Variants in COP1 observed in about 807,000 individuals in gnomAD.
COP1 encodes the protein E3 ubiquitin-protein ligase COP1.
Under a neutral mutation model 101.3 loss-of-function variants are expected in COP1, and 24 were observed. That is an observed-to-expected ratio of 0.24 (90% CI 0.17 to 0.33). The LOEUF (loss-of-function observed/expected upper bound fraction) is 0.33. Among genes scored for constraint, COP1 ranks in the 10% least tolerant of loss-of-function variants. COP1 has a pLI of 1.00. For synonymous variants in COP1, 347 were observed against 341.9 expected, an observed-to-expected ratio of 1.01 and a Z score of -0.17; for missense variants, 663 against 906.2, an observed-to-expected ratio of 0.73 and a Z score of 3.45.
At chr1:176,089,320 C>CAACAAT (rs1248126414) in intron 9 of COP1, among the ~76,000 whole-genome samples, 1 of 151,566 alleles carries the variant, frequency 6.6e-6, no homozygotes, top group Non-Finnish European at 1.5e-5. Flanking sequence ...ACAACAACAA[C>CAACAAT]AACAACAATC....
At chr1:176,087,477 T>C (rs1228811753) in intron 9 of COP1, among the ~76,000 whole-genome samples, 1 of 152,064 alleles carries the variant, frequency 6.6e-6, no homozygotes, top group Non-Finnish European at 1.5e-5. Context: ...AAGAAGACAT[T>C]TATGCAGCCA....
intron 18 of COP1, among the ~76,000 whole-genome samples, chr1:175,957,860 A>G (rs1167232352): frequency 6.6e-6 from 1 of 152,218 alleles, no homozygotes; most frequent in Non-Finnish European, 1.5e-5. Context: ...GGAACTACAG[A>G]TACAGGCAAT....
chr1:176,039,441 A>C (rs1670141640), intron 14 of COP1, among the ~76,000 whole-genome samples: 2 of 152,068 alleles, frequency 1.3e-5, no homozygotes, highest in African/African-American at 2.4e-5. Flanking sequence ...GAAAAAAAAA[A>C]CTAGAGCAAA....
At position 176,028,852 on chromosome 1, in the gene COP1, G is replaced by C. The variant is rs528481794; in HGVS notation, c.1613-1164C>G. ...CACTTCAGGCAGCCTCTACCTCCTA[G>C]GCTCAGGTGATTCTCCCCACTCAGC... On this transcript the variant is annotated intron_variant, in intron 14 of 19. Coordinates refer to ENST00000367669, the MANE Select transcript of COP1 (RefSeq NM_022457.7). 1.9e-3 allele frequency among the ~76,000 whole-genome samples: 281 copies of C among 151,124 alleles called. 9 individuals carry two copies. The South Asian group carries it at 0.056, about 30-fold the overall frequency.
intron 15 of COP1, among the ~76,000 whole-genome samples, chr1:175,999,095 A>T (rs865801677): frequency 2.0e-5 from 3 of 152,140 alleles, no homozygotes; most frequent in African/African-American, 4.8e-5. Context: ...GGTATGAGAA[A>T]GTAAATGTAG....
intron 18 of COP1, among the ~76,000 whole-genome samples, chr1:175,954,335 T>C (rs2148502688): frequency 6.6e-6 from 1 of 152,234 alleles, no homozygotes; most frequent in East Asian, 1.9e-4. Flanking sequence ...GGTTGAACAT[T>C]AATGATATAG....
At chr1:176,019,119 T>C (rs1294674100) in intron 15 of COP1, among the ~76,000 whole-genome samples, 2 of 149,516 alleles carry the variant, frequency 1.3e-5, no homozygotes, top group East Asian at 4.0e-4. Flanking sequence ...TGAGCTGAGA[T>C]TGCACCACTG....
chr1:176,161,176 C>T (rs1249730520), intron 5 of COP1, among the ~76,000 whole-genome samples: 1 of 152,110 alleles, frequency 6.6e-6, no homozygotes, highest in African/African-American at 2.4e-5. Flanking sequence ...AGAAAAAATT[C>T]CTGAAAATAT....
At chr1:176,040,653 A>G (rs1261694685) in intron 14 of COP1, among the ~76,000 whole-genome samples, 2 of 152,174 alleles carry the variant, frequency 1.3e-5, no homozygotes, top group African/African-American at 4.8e-5. Flanking sequence ...CATTCTGTAT[A>G]TAGTAGGAAT....
chr1:175,983,737 G>A (rs958648111), intron 18 of COP1, among the ~76,000 whole-genome samples: 1 of 152,136 alleles, frequency 6.6e-6, no homozygotes, highest in Admixed American at 6.5e-5. Context: ...TGATAATGAT[G>A]GACATGAAAT....
chr1:176,106,791 C>G (rs1175376787), intron 9 of COP1, among the ~76,000 whole-genome samples: 1 of 152,220 alleles, frequency 6.6e-6, no homozygotes, highest in Non-Finnish European at 1.5e-5. Flanking sequence ...GCATGAATTA[C>G]TTTATCGCAA....
chr1:175,995,200 G>A (rs1659825976), intron 15 of COP1, among the ~76,000 whole-genome samples: 1 of 152,094 alleles, frequency 6.6e-6, no homozygotes, highest in Non-Finnish European at 1.5e-5. Flanking sequence ...AAAACAACAA[G>A]AACAAAGACA....
At chr1:176,019,533 T>G (rs563213055) in intron 15 of COP1, among the ~76,000 whole-genome samples, 1 of 147,040 alleles carries the variant, frequency 6.8e-6, no homozygotes, top group South Asian at 2.1e-4. Flanking sequence ...TCACTACTAC[T>G]ACCACCAAAT....
chr1:175,957,432 G>GTGGTA (rs1650795260), intron 18 of COP1, among the ~76,000 whole-genome samples: 1 of 152,178 alleles, frequency 6.6e-6, no homozygotes, highest in Admixed American at 6.5e-5. Context: ...GTACAAATTT[G>GTGGTA]TAGCCTAGGA....
At chr1:175,995,462 G>T (rs191260071) in intron 15 of COP1, among the ~76,000 whole-genome samples, 8,097 of 152,130 alleles carry the variant, frequency 0.053, 467 homozygotes, top group South Asian at 0.14. Flanking sequence ...CCAGGAGCTG[G>T]TTTTTTGAAA....
intron 14 of COP1, among the ~76,000 whole-genome samples, chr1:176,036,102 AAT>A (rs1224169515): frequency 1.3e-5 from 2 of 152,216 alleles, no homozygotes; most frequent in East Asian, 3.9e-4. Flanking sequence ...TATAATAGCA[AAT>A]ATAATAGTAA....
At chr1:176,190,529 TA>T (rs11284970) in intron 1 of COP1, among the ~76,000 whole-genome samples, 98,457 of 145,626 alleles carry the variant, frequency 0.68, 34,258 homozygotes, top group East Asian at 0.91. Context: ...TTGGGACATT[TA>T]AAAAAAAAAA....
In COP1 at chr1:175,971,362, A is replaced by T. The variant is rs181079622; in HGVS notation, c.2133+15581T>A. Reference sequence around the variant, plus strand: ...GGTCCTTGAAAACTTAATCAGATAAAATTTATTCATTTAGCAAATTCTTAT... The same window carrying T: ...GGTCCTTGAAAACTTAATCAGATAATATTTATTCATTTAGCAAATTCTTAT... On this transcript the variant is annotated intron_variant, in intron 18 of 19. Coordinates refer to ENST00000367669, the MANE Select transcript of COP1 (RefSeq NM_022457.7). Among the ~76,000 whole-genome samples, 164 of 152,282 alleles carry T rather than the reference A, an allele frequency of 1.1e-3. 2 individuals carry two copies. The highest frequency in any genetic ancestry group is 0.011 in the Admixed American group (164 of 15,292).
intron 18 of COP1, among the ~76,000 whole-genome samples, chr1:175,954,216 C>T (rs551435222): frequency 6.6e-6 from 1 of 151,906 alleles, no homozygotes; most frequent in Admixed American, 6.6e-5. Context: ...AATGAGAAAC[C>T]ATTTTGAACT....
Sources: gnomAD v4.1 joint callset for allele counts (sites outside exome capture counted in the v4.1 genomes callset) on GRCh38, gnomAD v4.1.1 for gene constraint, MANE v1.5 for transcripts, NCBI Gene and HGNC (gene_info 2026-07-23, HGNC 2026-07-21) for gene names.